Variants in AFTPH observed in about 807,000 individuals in gnomAD.
The protein encoded by AFTPH is aftiphilin protein.
AFTPH carries 7 observed loss-of-function variants against 72.5 expected under a neutral mutation model. That is an observed-to-expected ratio of 0.10 (90% CI 0.05 to 0.18). AFTPH has a LOEUF of 0.18. AFTPH is among the 10% of genes least tolerant of loss of function. The pLI is 1.00. For synonymous variants in AFTPH, 337 were observed against 370.1 expected (o/e 0.91, Z 1.03); for missense variants, 979 against 1,060.5 (o/e 0.92, Z 1.07).
At chr2:64,577,490 C>G (rs542170708) in intron 6 of AFTPH, among the ~76,000 whole-genome samples, 1 of 152,334 alleles carries the variant, frequency 6.6e-6, no homozygotes, top group African/African-American at 2.4e-5. Flanking sequence ...CACCCAGCTA[C>G]TTGACATCAT....
At chr2:64,558,960 A>G (rs953057593) in intron 2 of AFTPH, among the ~76,000 whole-genome samples, 2 of 152,202 alleles carry the variant, frequency 1.3e-5, no homozygotes, top group African/African-American at 2.4e-5. Context: ...GGAAACTGGC[A>G]TACCCAGAAA....
chr2:64,552,415 A>C (rs1383581481), exon 2 of AFTPH: 2 of 1,614,104 alleles, frequency 1.2e-6, no homozygotes, highest in Non-Finnish European at 1.7e-6. Context: ...AGTGTTGAAA[A>C]ACAAGGCCTT....
At chr2:64,567,577 C>G in exon 3 of AFTPH, 1 of 1,607,990 alleles carries the variant, frequency 6.2e-7, no homozygotes, top group Non-Finnish European at 8.5e-7. Context: ...TTTATTAAAC[C>G]GCCTGGAGCG....
chr2:64,539,554 C>T (rs1204088725), intron 1 of AFTPH, among the ~76,000 whole-genome samples: 1 of 152,144 alleles, frequency 6.6e-6, no homozygotes, highest in Non-Finnish European at 1.5e-5. Flanking sequence ...TGGTGAAGCA[C>T]TAAGAGACCA....
intron 7 of AFTPH, among the ~76,000 whole-genome samples, chr2:64,584,737 C>T (rs1673405016): frequency 6.6e-6 from 1 of 151,836 alleles, no homozygotes; most frequent in Admixed American, 6.6e-5. Flanking sequence ...GCTGGGACTA[C>T]AGGCGCCCAC....
chr2:64,527,072 C>A (rs1036883554), intron 1 of AFTPH, among the ~76,000 whole-genome samples: 11 of 152,102 alleles, frequency 7.2e-5, no homozygotes, highest in African/African-American at 2.7e-4. Context: ...TGATAAACAC[C>A]AAGTCAGACT....
chr2:64,567,441 ATGGT>A, intron 2 of AFTPH, 117 bp from the exon 3 acceptor site: 1 of 968,454 alleles, frequency 1.0e-6, no homozygotes, highest in Non-Finnish European at 1.5e-6. Context: ...GTGTTTTCTG[ATGGT>A]TCTCTTCCTC....
chr2:64,574,819 C>A (rs58076651), intron 6 of AFTPH, among the ~76,000 whole-genome samples: 1 of 152,184 alleles, frequency 6.6e-6, no homozygotes, highest in East Asian at 1.9e-4. Context: ...TGCCCTGATA[C>A]GCCCTCTGGC....
chr2:64,524,715 C>T (rs1669140007), intron 1 of AFTPH, 103 bp downstream of exon 1: 1 of 381,752 alleles, frequency 2.6e-6, no homozygotes, highest in Non-Finnish European at 4.6e-6. Context: ...GGAGCATCTG[C>T]CCGCCGCGGA....
intron 4 of AFTPH, 150 bp downstream of exon 4, chr2:64,569,368 T>A: frequency 1.7e-6 from 2 of 1,148,690 alleles, no homozygotes; most frequent in African/African-American, 1.6e-5. Flanking sequence ...TGCTGACTTT[T>A]AAACATCAGT....
At chr2:64,560,069 A>G (rs1038854939) in intron 2 of AFTPH, among the ~76,000 whole-genome samples, 3 of 152,200 alleles carry the variant, frequency 2.0e-5, no homozygotes, top group Non-Finnish European at 4.4e-5. Context: ...CATAAATTTA[A>G]CCATCACAAG....
chr2:64,584,052 AAAT>A lies in AFTPH; in HGVS notation c.2456-1364_2456-1362del, dbSNP rs535114321. ...GATCTTACAGGGCATTTTTTTAAAGAAATAATAAGTAAAAATTTCAGAAGCTCT... is the reference window on the plus strand; with the variant it reads ...GATCTTACAGGGCATTTTTTTAAAGAAATAAGTAAAAATTTCAGAAGCTCT... On this transcript the variant is annotated intron_variant, in intron 7 of 8. Transcript: ENST00000238856. 5.5e-3 allele frequency among the ~76,000 whole-genome samples: 834 copies of A among 152,228 alleles called. 9 individuals are homozygous for A. The highest frequency in any genetic ancestry group is 0.019 in the African/African-American group (800 of 41,532).
chr2:64,570,013 TATC>T (rs1176150309), intron 5 of AFTPH, among the ~76,000 whole-genome samples: 1 of 152,224 alleles, frequency 6.6e-6, no homozygotes, highest in Non-Finnish European at 1.5e-5. Flanking sequence ...GGCCTAAAGA[TATC>T]ATTTATTTTA....
chr2:64,585,829 G>A (rs1262755404), intron 8 of AFTPH, among the ~76,000 whole-genome samples: 1 of 132,840 alleles, frequency 7.5e-6, no homozygotes, highest in Non-Finnish European at 1.5e-5. Flanking sequence ...TTCTGATTAA[G>A]TATTGTGATC....
At chr2:64,542,688 G>C (rs1670329272) in intron 1 of AFTPH, among the ~76,000 whole-genome samples, 1 of 151,200 alleles carries the variant, frequency 6.6e-6, no homozygotes, top group South Asian at 2.1e-4. Flanking sequence ...TATTTTCTAG[G>C]GATTGGTTAG....
At chr2:64,575,186 T>A (rs1672687822) in intron 6 of AFTPH, among the ~76,000 whole-genome samples, 1 of 152,224 alleles carries the variant, frequency 6.6e-6, no homozygotes, top group Non-Finnish European at 1.5e-5. Flanking sequence ...TTATCATGTT[T>A]CTTTTATAAT....
At chr2:64,576,880 T>C (rs933052053) in intron 6 of AFTPH, among the ~76,000 whole-genome samples, 3 of 151,638 alleles carry the variant, frequency 2.0e-5, no homozygotes, top group African/African-American at 4.9e-5. Context: ...TACCTCAGCC[T>C]CCTGAGTAGC....
chr2:64,552,844 G>A, exon 2 of AFTPH: 5 of 1,614,208 alleles, frequency 3.1e-6, no homozygotes, highest in Non-Finnish European at 4.2e-6. Flanking sequence ...GATTCAATGA[G>A]TGATGCCACT....
At chr2:64,539,950 CT>C (rs1434138199) in intron 1 of AFTPH, among the ~76,000 whole-genome samples, 2 of 151,948 alleles carry the variant, frequency 1.3e-5, no homozygotes, top group Non-Finnish European at 2.9e-5. Flanking sequence ...TTGTTTTGTT[CT>C]GATTTGTTTT....
Sources: gnomAD v4.1 joint callset for allele counts (sites outside exome capture counted in the v4.1 genomes callset) on GRCh38, gnomAD v4.1.1 for gene constraint, MANE v1.5 for transcripts, NCBI Gene and HGNC (gene_info 2026-07-23, HGNC 2026-07-21) for gene names.